CCDC85A: variants seen among roughly 807,000 people sequenced by gnomAD.
The protein encoded by CCDC85A is coiled-coil domain-containing protein 85A.
Under a neutral mutation model 50.2 loss-of-function variants are expected in CCDC85A, and 38 were observed. The ratio of observed to expected loss-of-function variants is 0.76; its 90% CI spans 0.58 to 0.99. The LOEUF (loss-of-function observed/expected upper bound fraction) is 0.99, where lower values mean the gene tolerates loss of function less well. Among genes scored for constraint, CCDC85A ranks in the 50% least tolerant of loss-of-function variants. CCDC85A has a pLI of 0.00. For missense variants in CCDC85A, 820 were observed against 742.0 expected, an observed-to-expected ratio of 1.11 and a Z score of -1.22; for synonymous variants, 366 against 301.4, an observed-to-expected ratio of 1.21 and a Z score of -2.22.
At chr2:56,212,291 AT>A (rs1182971838) in intron 2 of CCDC85A, among the ~76,000 whole-genome samples, 1 of 152,010 alleles carries the variant, frequency 6.6e-6, no homozygotes, top group African/African-American at 2.4e-5. Flanking sequence ...TCTAATTCAG[AT>A]TTTTTGAGAG....
At chr2:56,195,017 A>C (rs1245183851) in intron 2 of CCDC85A, among the ~76,000 whole-genome samples, 1 of 152,232 alleles carries the variant, frequency 6.6e-6, no homozygotes. Context: ...AGTAATGGGA[A>C]GGTAAAGTTA....
At chr2:56,200,206 G>A (rs146332039) in intron 2 of CCDC85A, among the ~76,000 whole-genome samples, 2 of 152,198 alleles carry the variant, frequency 1.3e-5, no homozygotes, top group Non-Finnish European at 2.9e-5. Flanking sequence ...ACAGATAAGT[G>A]AGGCACTATG....
At chr2:56,248,787 G>T (rs1339645611) in intron 2 of CCDC85A, among the ~76,000 whole-genome samples, 1 of 152,152 alleles carries the variant, frequency 6.6e-6, no homozygotes, top group Admixed American at 6.5e-5. Context: ...GTCTGAACTG[G>T]GTTTCATTAG....
intron 2 of CCDC85A, among the ~76,000 whole-genome samples, chr2:56,306,140 T>C (rs1672434011): frequency 6.7e-6 from 1 of 150,024 alleles, no homozygotes; most frequent in South Asian, 2.1e-4. Flanking sequence ...ATGAGATCCT[T>C]TTTTTTGAGA....
chr2:56,298,441 C>G (rs534507530), intron 2 of CCDC85A, among the ~76,000 whole-genome samples: 1 of 152,234 alleles, frequency 6.6e-6, no homozygotes, highest in South Asian at 2.1e-4. Flanking sequence ...CTTGATCTGC[C>G]ATTGGTTAAA....
At chr2:56,262,426 G>A (rs1670258876) in intron 2 of CCDC85A, among the ~76,000 whole-genome samples, 1 of 152,080 alleles carries the variant, frequency 6.6e-6, no homozygotes, top group Non-Finnish European at 1.5e-5. Context: ...TAATACAAAT[G>A]GACTTCTGCC....
chr2:56,363,061 A>G (rs1675615848), intron 3 of CCDC85A, among the ~76,000 whole-genome samples: 1 of 152,170 alleles, frequency 6.6e-6, no homozygotes, highest in Admixed American at 6.5e-5. Context: ...ATTCAGTTAA[A>G]TGAGTGTATA....
In CCDC85A at chr2:56,193,353, G is replaced by C. The variant is rs1223346736; in HGVS notation, c.1153G>C (p.Gly385Arg). The change falls in exon 2 of 6, where the codon GGC becomes CGC. Residue 385 changes from glycine (G) to arginine (R), a missense_variant. Transcript: ENST00000407595. ...GGGSGGSGGS[G>R]GGSREGTLRR... ...AGGCAGTGGAGGAAGTGGAGGCAGC[G>C]GCGGAGGCAGCAGGGAGGGCACCCT... is the stretch of plus-strand genomic sequence containing the variant. 2.5e-6 allele frequency: 4 copies of C among 1,611,286 alleles called. No homozygotes were observed. The highest frequency in any genetic ancestry group is 3.4e-6 in the Non-Finnish European group (4 of 1,178,714).
chr2:56,184,345 G>T lies in CCDC85A; in HGVS notation c.-280G>T. The T allele has an allele frequency of 2.0e-6, 1 of 501,978 alleles. No individual in the cohort carries two copies. The highest frequency in any genetic ancestry group is 2.9e-6 in the Non-Finnish European group (1 of 349,538). 31.1% of individuals were successfully genotyped at this position (501,978 alleles called of 1,614,324 possible). A position where few individuals can be genotyped will look rare whatever the true frequency, so the allele number is the denominator to read the frequency against. ...TCCCGCGGCAGCCCCGGGCTCCCCA[G>T]TGCCCCTCACCATGGACTTGCGCGG... On this transcript the variant is annotated 5_prime_UTR_variant, in exon 1 of 6. Transcript: ENST00000407595.
chr2:56,257,639 CTT>C (rs1408613607), intron 2 of CCDC85A, among the ~76,000 whole-genome samples: 3 of 152,214 alleles, frequency 2.0e-5, no homozygotes, highest in East Asian at 1.9e-4. Context: ...TTTTGACACT[CTT>C]TTGAGTGGAG....
In CCDC85A at chr2:56,184,492, A is replaced by G. The variant is rs1450339027; in HGVS notation, c.-133A>G. On this transcript the variant is annotated 5_prime_UTR_variant, in exon 1 of 6. Coordinates refer to ENST00000407595, the MANE Select transcript of CCDC85A (RefSeq NM_001080433.2). ...AGCGCGACCCCCGCCGCCCCAACCC[A>G]GCGGCCCCTGGGCGGTGCCGCTGAC... The G allele has an allele frequency of 2.0e-6, 2 of 1,022,052 alleles. No individual in the cohort carries two copies. Among genetic ancestry groups the G allele is most frequent in the Non-Finnish European group, 2.5e-6 (2 of 800,648 alleles). The allele number at this position is 1,022,052 out of a possible 1,614,324, so 63.3% of individuals were successfully genotyped here. A position where few individuals can be genotyped will look rare whatever the true frequency, so the allele number is the denominator to read the frequency against.
intron 4 of CCDC85A, among the ~76,000 whole-genome samples, chr2:56,374,479 G>A (rs557944044): frequency 6.6e-6 from 1 of 152,296 alleles, no homozygotes; most frequent in South Asian, 2.1e-4. Context: ...ATTGCTGGGT[G>A]CAGTTTTCTC....
At position 56,184,364 on chromosome 2, in the gene CCDC85A, T is replaced by C; in HGVS notation, c.-261T>C. On this transcript the variant is annotated 5_prime_UTR_variant, in exon 1 of 6. Transcript: ENST00000407595. ...TCCCCAGTGCCCCTCACCATGGACT[T>C]GCGCGGAGTTGGGACGGGCCTCGGC... 2.1e-6 allele frequency: 1 copy of C among 483,076 alleles called. No individual in the cohort carries two copies. The highest frequency in any genetic ancestry group is 3.0e-6 in the Non-Finnish European group (1 of 329,036). The allele number at this position is 483,076 out of a possible 1,614,324, so 29.9% of individuals were successfully genotyped here. A position where few individuals can be genotyped will look rare whatever the true frequency, so the allele number is the denominator to read the frequency against.
rs568189205 is a variant in CCDC85A, at chr2:56,343,862, T to A, written c.1317+907T>A. On this transcript the variant is annotated intron_variant, in intron 3 of 5. Transcript: ENST00000407595. ...AGACTAACCAATCTTCAGGTTGGTA[T>A]TTCAGGAGAAGAAATTTGAACATTA... is the stretch of plus-strand genomic sequence containing the variant. 1.7e-3 allele frequency among the ~76,000 whole-genome samples: 265 copies of A among 152,342 alleles called. 2 individuals carry two copies. Among genetic ancestry groups the A allele is most frequent in the African/African-American group, 6.2e-3 (258 of 41,584 alleles).
intron 2 of CCDC85A, among the ~76,000 whole-genome samples, chr2:56,322,387 C>G (rs1226546637): frequency 6.6e-6 from 1 of 152,150 alleles, no homozygotes; most frequent in African/African-American, 2.4e-5. Context: ...TTTTTGCAAT[C>G]TACTCATCTG....
At chr2:56,342,623 A>C (rs568399053) in intron 2 of CCDC85A, among the ~76,000 whole-genome samples, 1 of 152,138 alleles carries the variant, frequency 6.6e-6, no homozygotes. Flanking sequence ...CTAATCGTCA[A>C]TTGTGTGTAC....
At chr2:56,325,328 T>C (rs1673410548) in intron 2 of CCDC85A, among the ~76,000 whole-genome samples, 1 of 152,108 alleles carries the variant, frequency 6.6e-6, no homozygotes, top group Non-Finnish European at 1.5e-5. Context: ...AGAAGTTTAT[T>C]GTATTTACCC....
At chr2:56,272,229 A>G (rs532273605) in intron 2 of CCDC85A, among the ~76,000 whole-genome samples, 9 of 152,334 alleles carry the variant, frequency 5.9e-5, no homozygotes, top group African/African-American at 2.2e-4. Context: ...AGATGTTAAT[A>G]AAGTTTAACA....
chr2:56,329,882 C>T (rs1264627613), intron 2 of CCDC85A, among the ~76,000 whole-genome samples: 5 of 145,500 alleles, frequency 3.4e-5, no homozygotes, highest in African/African-American at 7.6e-5. Context: ...GCTAATTGTC[C>T]TAAGAGAAAA....
Sources: gnomAD v4.1 joint callset for allele counts (sites outside exome capture counted in the v4.1 genomes callset) on GRCh38, gnomAD v4.1.1 for gene constraint, MANE v1.5 for transcripts, NCBI Gene and HGNC (gene_info 2026-07-23, HGNC 2026-07-21) for gene names.